CLDN16: variants seen among roughly 807,000 people sequenced by gnomAD.
CLDN16 encodes the protein claudin 16.
A neutral mutation model predicts 24.6 loss-of-function variants in CLDN16; 13 were observed. The ratio of observed to expected loss-of-function variants is 0.53; its 90% confidence interval spans 0.34 to 0.84. The LOEUF (loss-of-function observed/expected upper bound fraction) is 0.84, where lower values mean the gene tolerates loss of function less well. Ranked by LOEUF, CLDN16 falls within the 40% of genes least tolerant of loss-of-function variation. The probability of loss-of-function intolerance (pLI) is 0.01; values close to 1 mark genes in which losing one functional copy is unlikely to be tolerated. For synonymous variants in CLDN16, 116 were observed against 106.7 expected, an observed-to-expected ratio of 1.09 and a Z score of -0.54; for missense variants, 298 against 292.7, an observed-to-expected ratio of 1.02 and a Z score of -0.13.
intron 1 of CLDN16, among the ~76,000 whole-genome samples, chr3:190,390,993 T>A (rs1212905357): frequency 6.6e-6 from 1 of 152,046 alleles, no homozygotes; most frequent in African/African-American, 2.4e-5. Flanking sequence ...TTCTCTGTTC[T>A]CTAGGCTGGT....
chr3:190,362,422 A>G (rs1189085581), intron 1 of CLDN16, among the ~76,000 whole-genome samples: 1 of 151,864 alleles, frequency 6.6e-6, no homozygotes, highest in Non-Finnish European at 1.5e-5. Context: ...TTCCACCTTC[A>G]ACCTGACCAG....
In CLDN16 at chr3:190,327,413, A is replaced by G. The variant is rs1251993106; in HGVS notation, n.121+4752A>G. ...CTAGCCAAGTGGACACATAAAATCA[A>G]CCATCACACTCACTAACACTTACTG... On this transcript the variant is annotated intron_variant and non_coding_transcript_variant, in intron 1 of 4. Coordinates refer to the CLDN16 transcript ENST00000468220. Among the ~76,000 whole-genome samples, 4 of 152,180 alleles carry G rather than the reference A, an allele frequency of 2.6e-5. No homozygotes were observed. In the East Asian group the frequency reaches 7.7e-4, roughly 29 times the overall value.
At chr3:190,329,755 G>A (rs1717142940) in intron 1 of CLDN16, among the ~76,000 whole-genome samples, 1 of 152,094 alleles carries the variant, frequency 6.6e-6, no homozygotes, top group African/African-American at 2.4e-5. Context: ...TTTAAAGGAG[G>A]AATAATACCT....
intron 1 of CLDN16, among the ~76,000 whole-genome samples, chr3:190,361,160 G>A (rs1717880021): frequency 6.6e-6 from 1 of 152,010 alleles, no homozygotes; most frequent in South Asian, 2.1e-4. Context: ...CATTGAGTCA[G>A]TAATTACCCA....
chr3:190,307,915 T>G, the CLDN16 span: 1 of 175,222 alleles, frequency 5.7e-6, no homozygotes, highest in Admixed American at 5.6e-5. Flanking sequence ...TTAAGTATGC[T>G]AGTATCAACA....
intron 2 of CLDN16, among the ~76,000 whole-genome samples, chr3:190,403,738 A>T (rs1182288396): frequency 6.6e-6 from 1 of 152,216 alleles, no homozygotes; most frequent in Non-Finnish European, 1.5e-5. Context: ...AACATAGTTC[A>T]TAAGGTCTTT....
At chr3:190,368,269 G>A (rs1257008927) in intron 1 of CLDN16, among the ~76,000 whole-genome samples, 1 of 151,972 alleles carries the variant, frequency 6.6e-6, no homozygotes, top group Non-Finnish European at 1.5e-5. Context: ...GGAAGCCTAT[G>A]AAGGGGCTCA....
intron 1 of CLDN16, among the ~76,000 whole-genome samples, chr3:190,366,722 G>A (rs1027627742): frequency 2.6e-5 from 4 of 152,034 alleles, no homozygotes; most frequent in East Asian, 2.0e-4. Context: ...TCTTTTCTAC[G>A]TCCTGAGATG....
chr3:190,307,181 GC>G, the CLDN16 span: 3 of 152,626 alleles, frequency 2.0e-5, no homozygotes, highest in African/African-American at 7.2e-5. Context: ...CTTGCTTACA[GC>G]TACAGAGAGA....
chr3:190,314,473 C>T, the CLDN16 span, among the ~76,000 whole-genome samples: 1 of 152,116 alleles, frequency 6.6e-6, no homozygotes. Context: ...GGGCTCACTG[C>T]AACCTCTGCC....
intron 1 of CLDN16, among the ~76,000 whole-genome samples, chr3:190,323,920 T>C (rs905017440): frequency 6.6e-6 from 1 of 152,150 alleles, no homozygotes; most frequent in African/African-American, 2.4e-5. Context: ...CTATCAGCTG[T>C]TTAGGACAAG....
intron 1 of CLDN16, among the ~76,000 whole-genome samples, chr3:190,394,085 T>G (rs1277948236): frequency 6.6e-6 from 1 of 152,164 alleles, no homozygotes; most frequent in African/African-American, 2.4e-5. Flanking sequence ...ATTTCCTTTT[T>G]GTCTGACCAG....
intron 1 of CLDN16, among the ~76,000 whole-genome samples, chr3:190,398,301 T>C (rs1718870905): frequency 6.6e-6 from 1 of 152,236 alleles, no homozygotes; most frequent in South Asian, 2.1e-4. Context: ...TGGAAGCTTA[T>C]AATCAAGAAG....
intron 1 of CLDN16, among the ~76,000 whole-genome samples, chr3:190,350,040 C>T (rs981699243): frequency 1.3e-5 from 2 of 152,062 alleles, no homozygotes; most frequent in African/African-American, 4.8e-5. Flanking sequence ...CCTGACCAAA[C>T]AAGCTATGGG....
intron 1 of CLDN16, among the ~76,000 whole-genome samples, chr3:190,342,241 T>G (rs992982734): frequency 6.6e-6 from 1 of 152,178 alleles, no homozygotes; most frequent in Non-Finnish European, 1.5e-5. Flanking sequence ...GATAAGGACA[T>G]ACCTGAGACT....
chr3:190,398,479 C>T (rs143562222), intron 1 of CLDN16, among the ~76,000 whole-genome samples: 256 of 152,268 alleles, frequency 1.7e-3, no homozygotes, highest in African/African-American at 5.8e-3. Context: ...CTGCATGTGT[C>T]TCTTATAATG....
chr3:190,408,942 T>C (rs546965674), intron 4 of CLDN16, among the ~76,000 whole-genome samples: 1 of 149,750 alleles, frequency 6.7e-6, no homozygotes, highest in Non-Finnish European at 1.5e-5. Context: ...TATACACATA[T>C]GTATATGCAT....
intron 1 of CLDN16, among the ~76,000 whole-genome samples, chr3:190,333,376 G>C (rs1033821548): frequency 1.1e-4 from 17 of 152,236 alleles, no homozygotes; most frequent in African/African-American, 4.1e-4. Context: ...GGCACTGTAA[G>C]TATGTTAACA....
At chr3:190,312,997 A>T in the CLDN16 span, 21 of 1,614,086 alleles carry the variant, frequency 1.3e-5, no homozygotes, top group Middle Eastern at 3.3e-4. Flanking sequence ...TCCCAGGAGG[A>T]TGCCAACCAC....
Sources: allele counts gnomAD v4.1 joint callset (sites outside exome capture counted in the v4.1 genomes callset), GRCh38; gene constraint gnomAD v4.1.1; transcripts MANE v1.5; gene names NCBI Gene and HGNC (gene_info 2026-07-23, HGNC 2026-07-21).